The following RABL2B variants were observed in gnomAD, a reference collection of about 807,000 sequenced individuals.
RABL2B encodes RAB, member of RAS oncogene family like 2B.
RABL2B carries 17 observed loss-of-function variants against 26.7 expected under a neutral mutation model. The observed-to-expected ratio is 0.64, with a 90% CI of 0.44 to 0.95. The LOEUF (loss-of-function observed/expected upper bound fraction) is 0.95, where lower values mean the gene tolerates loss of function less well. Among genes scored for constraint, RABL2B ranks in the 40% least tolerant of loss-of-function variants. The pLI, the probability that RABL2B is intolerant of heterozygous loss-of-function variation, is 0.00. For synonymous variants in RABL2B, 70 were observed against 103.9 expected (o/e 0.67, Z 1.99); for missense variants, 170 against 277.2 (o/e 0.61, Z 2.75).
chr22:50,779,969 A>C (rs2085548130), intron 2 of RABL2B, among the ~76,000 whole-genome samples: 1 of 152,182 alleles, frequency 6.6e-6, no homozygotes, highest in African/African-American at 2.4e-5. Context: ...TGACAGAGCA[A>C]GACTCTGTCT....
At chr22:50,777,185 C>G (rs11912510) in intron 3 of RABL2B, among the ~76,000 whole-genome samples, 1,765 of 152,252 alleles carry the variant, frequency 0.012, 33 homozygotes, top group African/African-American at 0.041. Context: ...AGCTGTCAAT[C>G]AATTTGGAGT....
chr22:50,773,330 G>A (rs1241643959), intron 5 of RABL2B, among the ~76,000 whole-genome samples: 2 of 152,180 alleles, frequency 1.3e-5, no homozygotes, highest in Admixed American at 6.5e-5. Flanking sequence ...AGGGGCAGTC[G>A]GGGGAATTAG....
In RABL2B at chr22:50,768,762, C is replaced by G. The variant is rs376882402; in HGVS notation, c.*14G>C. 5,885 of 1,613,838 alleles carry G rather than the reference C, an allele frequency of 3.6e-3. 15 individuals carry two copies. The highest frequency in any genetic ancestry group is 4.5e-3 in the Non-Finnish European group (5,347 of 1,179,836). The stretch of plus-strand genomic sequence containing the variant: ...TATTTTAAAAGGGCTCCACCCACCC[C>G]TAGCCCCAGCCCCTCAGCTGTGGGG... On this transcript the variant is annotated 3_prime_UTR_variant, in exon 9 of 9. Coordinates refer to ENST00000691320, the MANE Select transcript of RABL2B (RefSeq NM_001130919.3).
chr22:50,770,844 G>C (rs1342703131), intron 5 of RABL2B, among the ~76,000 whole-genome samples: 1 of 150,568 alleles, frequency 6.6e-6, no homozygotes, highest in Non-Finnish European at 1.5e-5. Context: ...CAAAACTCCT[G>C]GGCTCAAGGA....
At chr22:50,782,833 G>A (rs2086112494) in intron 1 of RABL2B, 1 of 132,750 alleles carries the variant, frequency 7.5e-6, no homozygotes, top group East Asian at 2.0e-4. Context: ...TGATAGCAGA[G>A]TCTACTGTGG....
chr22:50,775,193 A>C (rs1555922389), intron 5 of RABL2B, among the ~76,000 whole-genome samples: 1 of 152,244 alleles, frequency 6.6e-6, no homozygotes, highest in African/African-American at 2.4e-5. Context: ...TACAGGACAC[A>C]GGTATACAGA....
At chr22:50,773,535 G>A (rs1333347093) in intron 5 of RABL2B, among the ~76,000 whole-genome samples, 1 of 151,870 alleles carries the variant, frequency 6.6e-6, no homozygotes, top group Non-Finnish European at 1.5e-5. Flanking sequence ...GGGATCAGTG[G>A]TGCAGGAGCA....
chr22:50,774,178 A>G lies in RABL2B; in HGVS notation c.297+1594T>C, dbSNP rs576652001. 1.5e-3 allele frequency among the ~76,000 whole-genome samples: 236 copies of G among 152,300 alleles called. 1 individual carries two copies. Among genetic ancestry groups the G allele is most frequent in the African/African-American group, 5.1e-3 (210 of 41,548 alleles). On this transcript the variant is annotated intron_variant, in intron 5 of 8. Coordinates refer to ENST00000691320, the MANE Select transcript of RABL2B (RefSeq NM_001130919.3). ...CCAAAGTGCTGGGATTACAGGCGTG[A>G]GCCACCGCGCCCGGCCCGTGGCAGA...
intron 2 of RABL2B, among the ~76,000 whole-genome samples, chr22:50,779,416 T>C (rs527590295): frequency 1.3e-3 from 194 of 151,336 alleles, no homozygotes; most frequent in African/African-American, 4.5e-3. Flanking sequence ...ACTGGTGGCC[T>C]AAGCACAACT....
intron 2 of RABL2B, among the ~76,000 whole-genome samples, chr22:50,778,935 A>G (rs577181800): frequency 6.7e-6 from 1 of 150,370 alleles, no homozygotes; most frequent in East Asian, 2.0e-4. Flanking sequence ...TTATAACTAT[A>G]AAGAAACAGC....
chr22:50,778,130 T>C, intron 2 of RABL2B, 149 bp from the exon 3 acceptor site: 1 of 1,178,264 alleles, frequency 8.5e-7, no homozygotes, highest in Non-Finnish European at 1.2e-6. Context: ...GGGTCAAGTC[T>C]GGAAGTTGGG....
intron 5 of RABL2B, among the ~76,000 whole-genome samples, chr22:50,773,745 TCTG>T (rs1169143390): frequency 1.4e-4 from 21 of 151,418 alleles, no homozygotes; most frequent in Admixed American, 1.0e-3. Context: ...CTGCATCCCC[TCTG>T]CTATTGCTTC....
chr22:50,767,726 C>T lies in RABL2B; in HGVS notation c.*1050G>A, dbSNP rs1236925754. The T allele has an allele frequency of 6.6e-6, 3 of 455,038 alleles. No homozygotes were observed. Among genetic ancestry groups the T allele is most frequent in the Non-Finnish European group, 1.3e-5 (3 of 226,322 alleles). 28.2% of individuals were successfully genotyped at this position (455,038 alleles called of 1,614,324 possible). On this transcript the variant is annotated 3_prime_UTR_variant, in exon 9 of 9. Coordinates refer to ENST00000691320, the MANE Select transcript of RABL2B (RefSeq NM_001130919.3). Reference sequence around the variant, plus strand: ...AACTATTCCTCAAAAAAAAGGACAGCCTCTTTATGCTGAAATAGGAACTTT... The same window carrying T: ...AACTATTCCTCAAAAAAAAGGACAGTCTCTTTATGCTGAAATAGGAACTTT...
rs5771009 is a variant in RABL2B at position 50,768,105 on chromosome 22, T to C, written c.*671A>G. The C allele has an allele frequency of 0.51, 96,489 of 189,194 alleles. 24,922 individuals are homozygous for C. The highest frequency in any genetic ancestry group is 0.53 in the Non-Finnish European group (48,261 of 90,422). The allele number at this position is 189,194 out of a possible 1,614,324, so 11.7% of individuals were successfully genotyped here. A position where few individuals can be genotyped will look rare whatever the true frequency, so the allele number is the denominator to read the frequency against. ...CCGTCTCTACTAAAAATACAAAAAT[T>C]AGCTGGGCGTGGTGATGCCAGCCAC... On this transcript the variant is annotated 3_prime_UTR_variant, in exon 9 of 9. Transcript: ENST00000691320.
chr22:50,782,594 G>A (rs1163172319), intron 1 of RABL2B, among the ~76,000 whole-genome samples: 2 of 151,874 alleles, frequency 1.3e-5, no homozygotes, highest in African/African-American at 4.8e-5. Context: ...ACATTCACCA[G>A]GCATCCAGTG....
chr22:50,770,074 C>T lies in RABL2B; in HGVS notation c.298-58G>A. 6 of 1,602,504 alleles carry T rather than the reference C, an allele frequency of 3.7e-6. No individual in the cohort carries two copies. In the South Asian group the frequency reaches 6.7e-5, roughly 18 times the overall value. On this transcript the variant is annotated intron_variant, in intron 5 of 8. Transcript: ENST00000691320. ...GTATGTCAATGTTTCTGCACCCCAT[C>T]TCCAGGTGACTCACACACCCAAGCA... is the stretch of plus-strand genomic sequence containing the variant.
rs1313585664 is a variant in RABL2B at position 50,776,832 on chromosome 22, G to T, written c.138-83C>A. On this transcript the variant is annotated intron_variant, in intron 3 of 8. Transcript: ENST00000691320. The stretch of plus-strand genomic sequence containing the variant: ...GCAGGGGTGTTTGGTTTGATGAAAT[G>T]GATCCTCTCCCTCCTCTTCTCTTTG... 2.6e-6 allele frequency: 4 copies of T among 1,516,048 alleles called. No individual in the cohort carries two copies. In the Admixed American group the frequency reaches 5.9e-5, roughly 22 times the overall value. The allele number at this position is 1,516,048 out of a possible 1,614,324, so 93.9% of individuals were successfully genotyped here.
intron 4 of RABL2B, 28 bp from the exon 5 acceptor site, chr22:50,775,879 A>C (rs2084908422): frequency 6.2e-7 from 1 of 1,614,152 alleles, no homozygotes; most frequent in East Asian, 2.2e-5. Context: ...ACAGACCTAC[A>C]TGCCTGGTGC....
intron 2 of RABL2B, among the ~76,000 whole-genome samples, chr22:50,781,163 G>A (rs1336957922): frequency 1.3e-4 from 20 of 151,898 alleles, no homozygotes; most frequent in Admixed American, 5.9e-4. Flanking sequence ...ATAAGGTGAA[G>A]CCCCGTCTCT....
Sources: allele counts gnomAD v4.1 joint callset (sites outside exome capture counted in the v4.1 genomes callset), GRCh38; gene constraint gnomAD v4.1.1; transcripts MANE v1.5; gene names NCBI Gene and HGNC (gene_info 2026-07-23, HGNC 2026-07-21).